The following CD300C variants were observed in gnomAD, a reference collection of about 807,000 sequenced individuals.
CD300C encodes the protein CMRF35-like molecule 6.
CD300C carries 11 observed loss-of-function variants against 18.4 expected under a neutral mutation model. The ratio of observed to expected loss-of-function variants is 0.60; its 90% CI spans 0.38 to 0.99. The LOEUF (loss-of-function observed/expected upper bound fraction) is 0.99. Ranked by LOEUF, CD300C falls within the 50% of genes least tolerant of loss-of-function variation. CD300C has a pLI of 0.01. For missense variants in CD300C, 277 were observed against 287.4 expected (o/e 0.96, Z 0.26); for synonymous variants, 116 against 116.3 (o/e 1.00, Z 0.02).
chr17:74,545,920 G>A lies in CD300C; in HGVS notation c.-138C>T. Reference sequence around the variant, plus strand: ...CCTTGTCCAGCCCTGTCTCAGGTCTGAGGCTGGAGAGGGTCAGGGTACAGG... The same window carrying A: ...CCTTGTCCAGCCCTGTCTCAGGTCTAAGGCTGGAGAGGGTCAGGGTACAGG... On this transcript the variant is annotated 5_prime_UTR_variant, in exon 1 of 4. Transcript: ENST00000330793. 2.7e-6 allele frequency: 2 copies of A among 750,580 alleles called. No homozygotes were observed. Among genetic ancestry groups the A allele is most frequent in the Non-Finnish European group, 4.5e-6 (2 of 448,730 alleles). The allele number at this position is 750,580 out of a possible 1,614,324, so 46.5% of individuals were successfully genotyped here.
At position 74,541,675 on chromosome 17, in the gene CD300C, TCAGGAGCAGGGGCAGCTCCAAGAGGAC is replaced by T. The variant is rs1369731074; in HGVS notation, c.562_588del (p.Val188_Leu196del). The stretch of plus-strand genomic sequence containing the variant: ...ACCCAGAGGACGGCACCCAGCATGC[TCAGGAGCAGGGGCAGCTCCAAGAGGAC>T]CAGGAGCAGGAAGCGGACATTGCTG... On this transcript the variant is annotated inframe_deletion, in exon 4 of 4. Coordinates refer to ENST00000330793, the MANE Select transcript of CD300C (RefSeq NM_006678.5). 1.2e-6 allele frequency: 2 copies of T among 1,613,470 alleles called. No individual in the cohort carries two copies. Among genetic ancestry groups the T allele is most frequent in the Non-Finnish European group, 1.7e-6 (2 of 1,179,626 alleles).
At chr17:74,545,536 C>T (rs749147143) in intron 1 of CD300C, among the ~76,000 whole-genome samples, 186 bp downstream of exon 1, 1 of 152,188 alleles carries the variant, frequency 6.6e-6, no homozygotes, top group African/African-American at 2.4e-5. Context: ...AGGCCTCCCC[C>T]GTGCTGTGCC....
intron 1 of CD300C, among the ~76,000 whole-genome samples, chr17:74,545,468 C>T (rs1285264733): frequency 1.3e-5 from 2 of 152,096 alleles, no homozygotes; most frequent in Non-Finnish European, 2.9e-5. Flanking sequence ...ATAACTTTGG[C>T]AATGACAGTC....
intron 2 of CD300C, among the ~76,000 whole-genome samples, 199 bp from the exon 3 acceptor site, chr17:74,543,186 A>T (rs566916652): frequency 1.3e-5 from 2 of 152,358 alleles, no homozygotes; most frequent in South Asian, 4.1e-4. Flanking sequence ...GGTACTGCAG[A>T]GCCAGGACAC....
downstream of CD300C, among the ~76,000 whole-genome samples, chr17:74,536,230 T>G (rs1434890773): frequency 1.3e-5 from 2 of 152,008 alleles, no homozygotes; most frequent in Admixed American, 1.3e-4. Flanking sequence ...TCAAAAGATA[T>G]CATAAAGCCA....
At position 74,542,889 on chromosome 17, in the gene CD300C, C is replaced by T; in HGVS notation, c.499G>A (p.Asp167Asn). ...GGGTGTGGGCTGGGTTCGGGGCTGT[C>T]CTTTCTGGTCACGCTGGGCCAGGTG... ...VHTWPSVTRK[D>N]SPEPSPHPGS... is the part of the protein sequence containing the mutation. Residue 167 changes from aspartate to asparagine, a missense_variant, in exon 3 of 4, where the codon GAC becomes AAC. Physicochemically the swap from Asp to Asn is conservative, Grantham distance 23 (BLOSUM62 1). Transcript: ENST00000330793. 2 of 1,610,200 alleles carry T rather than the reference C, an allele frequency of 1.2e-6. No homozygotes were observed. The highest frequency in any genetic ancestry group is 1.7e-6 in the Non-Finnish European group (2 of 1,179,996).
chr17:74,541,849 G>A, intron 3 of CD300C, 113 bp from the exon 4 acceptor site: 1 of 1,152,234 alleles, frequency 8.7e-7, no homozygotes, highest in South Asian at 1.5e-5. Context: ...AACCACATAA[G>A]CACCCCCCTG....
downstream of CD300C, among the ~76,000 whole-genome samples, chr17:74,536,384 T>A (rs1274166220): frequency 5.9e-5 from 9 of 151,782 alleles, no homozygotes; most frequent in Admixed American, 5.9e-4. Context: ...ATTCAAAAAA[T>A]TAGCAGGACG....
Position 74,544,994 on chromosome 17 carries a change from G to A in CD300C, c.62-47C>T, listed in dbSNP as rs934882160. 3 of 1,537,056 alleles carry A rather than the reference G, an allele frequency of 2.0e-6. No homozygotes were observed. In the Admixed American group the frequency reaches 5.5e-5, roughly 28 times the overall value. On this transcript the variant is annotated intron_variant, in intron 1 of 3. Transcript: ENST00000330793. ...CCTGTCTCCTTACCAGAGGGGCCTG[G>A]TCAGGGGTGCCGCAGTGTCAGCCCC...
chr17:74,543,633 C>T (rs1437168014), intron 2 of CD300C, among the ~76,000 whole-genome samples: 1 of 152,120 alleles, frequency 6.6e-6, no homozygotes, highest in Non-Finnish European at 1.5e-5. Context: ...CTCCTCACTC[C>T]TAGATAGGAA....
At chr17:74,545,623 C>T (rs1908733004) in intron 1 of CD300C, 99 bp downstream of exon 1, 2 of 959,338 alleles carry the variant, frequency 2.1e-6, no homozygotes, top group Middle Eastern at 2.5e-4. Flanking sequence ...CCTCTCCCTG[C>T]CCCACTCCCC....
chr17:74,535,456 C>G, the CD300C span, among the ~76,000 whole-genome samples: 1 of 77,366 alleles, frequency 1.3e-5, no homozygotes, highest in Non-Finnish European at 2.4e-5. Context: ...GCAATAAGAG[C>G]AAAACTCTGT....
the CD300C span, among the ~76,000 whole-genome samples, chr17:74,535,778 A>G: frequency 6.6e-6 from 1 of 152,212 alleles, no homozygotes; most frequent in African/African-American, 2.4e-5. Flanking sequence ...GACATTCCCA[A>G]TATCAAAGAA....
downstream of CD300C, among the ~76,000 whole-genome samples, chr17:74,538,736 G>C (rs11654726): frequency 1.3e-5 from 2 of 152,056 alleles, no homozygotes; most frequent in East Asian, 1.9e-4. Flanking sequence ...GATATCTGTC[G>C]AATGCCTGCT....
chr17:74,545,709 T>G lies in CD300C; in HGVS notation c.61+13A>C. 1 of 1,601,104 alleles carries G rather than the reference T, an allele frequency of 6.2e-7. No individual in the cohort carries two copies. Among genetic ancestry groups the G allele is most frequent in the Non-Finnish European group, 8.5e-7 (1 of 1,173,434 alleles). ...AGGACAGAGCTCCCCAAGTCCAGGG[T>G]CGGCCCACTCACCTGGGACAAGCAG... On this transcript the variant is annotated intron_variant, in intron 1 of 3. Coordinates refer to ENST00000330793, the MANE Select transcript of CD300C (RefSeq NM_006678.5).
chr17:74,534,807 A>C, the CD300C span, among the ~76,000 whole-genome samples: 2 of 152,150 alleles, frequency 1.3e-5, no homozygotes, highest in African/African-American at 2.4e-5. Flanking sequence ...ACGCACAAAA[A>C]CCACTATCTG....
chr17:74,536,464 C>T (rs1464680506), downstream of CD300C, among the ~76,000 whole-genome samples: 6 of 141,060 alleles, frequency 4.3e-5, no homozygotes, highest in African/African-American at 1.0e-4. Flanking sequence ...ACCCAGGAGG[C>T]GGAGCTTGCA....
In CD300C at chr17:74,541,522, T is replaced by TC. The variant is rs1338801772; in HGVS notation, c.*66dup. 9.2e-7 allele frequency: 1 copy of TC among 1,085,720 alleles called. No homozygotes were observed. The highest frequency in any genetic ancestry group is 1.7e-5 in the Admixed American group (1 of 59,112). The allele number at this position is 1,085,720 out of a possible 1,614,324, so 67.3% of individuals were successfully genotyped here. On this transcript the variant is annotated 3_prime_UTR_variant, in exon 4 of 4. Transcript: ENST00000330793. Reference sequence around the variant, plus strand: ...GAGAGAGCAGCCCGGGAGGGAGTGGTCAGGAGGTCATTCCAGTCCCCCAGA... The same window carrying TC: ...GAGAGAGCAGCCCGGGAGGGAGTGGTCCAGGAGGTCATTCCAGTCCCCCAGA...
chr17:74,545,845 C>T lies in CD300C; in HGVS notation c.-63G>A. On this transcript the variant is annotated 5_prime_UTR_variant, in exon 1 of 4. Transcript: ENST00000330793. ...CCCAGGAGGGGACAAAATGTAATCT[C>T]CTCCCAGCAGATCTGAGCTTCGCTT... The T allele has an allele frequency of 2.3e-6, 3 of 1,276,794 alleles. No homozygotes were observed. The highest frequency in any genetic ancestry group is 1.3e-5 in the South Asian group (1 of 79,704). 79.1% of individuals were successfully genotyped at this position (1,276,794 alleles called of 1,614,324 possible).
Sources: gnomAD v4.1 joint callset for allele counts (sites outside exome capture counted in the v4.1 genomes callset) on GRCh38, gnomAD v4.1.1 for gene constraint, MANE v1.5 for transcripts, NCBI Gene and HGNC (gene_info 2026-07-23, HGNC 2026-07-21) for gene names.